The following CNGB3 variants were observed in gnomAD, a reference collection of about 807,000 sequenced individuals.
CNGB3 encodes cyclic nucleotide-gated channel beta-3.
A neutral mutation model predicts 92.8 loss-of-function variants in CNGB3; 86 were observed. That is an observed-to-expected ratio of 0.93 (90% CI 0.78 to 1.11). The LOEUF (loss-of-function observed/expected upper bound fraction) is 1.11. Ranked by LOEUF, CNGB3 falls within the 50% of genes least tolerant of loss-of-function variation. The pLI is 0.00. For missense variants in CNGB3, 1,026 were observed against 956.8 expected, an observed-to-expected ratio of 1.07 and a Z score of -0.95; for synonymous variants, 333 against 332.7, an observed-to-expected ratio of 1.00 and a Z score of -0.01.
intron 14 of CNGB3, among the ~76,000 whole-genome samples, chr8:86,610,478 C>A (rs1045686820): frequency 6.6e-6 from 1 of 152,080 alleles, no homozygotes; most frequent in Non-Finnish European, 1.5e-5. Context: ...TACTCCAATT[C>A]ATTTTTCAAG....
chr8:86,618,857 G>C (rs1403741009), intron 13 of CNGB3, among the ~76,000 whole-genome samples: 1 of 152,216 alleles, frequency 6.6e-6, no homozygotes. Flanking sequence ...CTGCATGTGA[G>C]TGCTAGAAAG....
chr8:86,666,624 A>G (rs539659353), intron 6 of CNGB3, among the ~76,000 whole-genome samples: 3 of 152,200 alleles, frequency 2.0e-5, no homozygotes, highest in African/African-American at 7.2e-5. Context: ...ACCAGACACA[A>G]TCTAGGCACT....
rs555317364 is a variant in CNGB3, at chr8:86,673,487, G to A, written c.339-2389C>T. Among the ~76,000 whole-genome samples the A allele has an allele frequency of 7.9e-5, 12 of 152,240 alleles. No individual in the cohort carries two copies. The South Asian group carries it at 2.5e-3, about 32-fold the overall frequency. On this transcript the variant is annotated intron_variant, in intron 3 of 17. Transcript: ENST00000320005. Reference sequence around the variant, plus strand: ...GTGGTTGGGTATGGAAAGGAAAGGTGAGTGAAGTCAGGTTATGATGGTCCC... The same window carrying A: ...GTGGTTGGGTATGGAAAGGAAAGGTAAGTGAAGTCAGGTTATGATGGTCCC...
At chr8:86,633,014 T>G in intron 10 of CNGB3, 121 bp from the exon 11 acceptor site, 2 of 893,652 alleles carry the variant, frequency 2.2e-6, no homozygotes, top group Non-Finnish European at 3.5e-6. Context: ...ATTTTCTTTC[T>G]CTAGACAGCA....
At chr8:86,579,851 A>G (rs1029511833) in intron 15 of CNGB3, among the ~76,000 whole-genome samples, 1 of 152,176 alleles carries the variant, frequency 6.6e-6, no homozygotes, top group African/African-American at 2.4e-5. Flanking sequence ...GTTCTGGTAA[A>G]CATACCCTCT....
At chr8:86,698,141 C>T (rs568082533) in intron 3 of CNGB3, among the ~76,000 whole-genome samples, 13 of 152,172 alleles carry the variant, frequency 8.5e-5, no homozygotes, top group East Asian at 5.8e-4. Flanking sequence ...GCTGTGTGAC[C>T]GATAGTTTCC....
intron 14 of CNGB3, among the ~76,000 whole-genome samples, chr8:86,606,802 T>C (rs890594360): frequency 6.6e-5 from 10 of 152,162 alleles, no homozygotes; most frequent in African/African-American, 2.2e-4. Flanking sequence ...AGCAAACTTA[T>C]AAGGCTCGCA....
intron 15 of CNGB3, among the ~76,000 whole-genome samples, chr8:86,596,268 A>G (rs1337303026): frequency 1.3e-5 from 2 of 152,190 alleles, no homozygotes; most frequent in African/African-American, 4.8e-5. Context: ...AAAAATAGCT[A>G]TACATTGTGA....
chr8:86,705,341 C>T (rs1824632918), intron 3 of CNGB3, among the ~76,000 whole-genome samples: 2 of 152,072 alleles, frequency 1.3e-5, no homozygotes, highest in South Asian at 4.1e-4. Context: ...TATTTAAATT[C>T]TCCAGAGCAA....
Position 86,650,856 on chromosome 8 carries a change from C to G in CNGB3, c.904-2969G>C, listed in dbSNP as rs763997654. Among the ~76,000 whole-genome samples the G allele has an allele frequency of 2.6e-5, 4 of 151,048 alleles. No individual in the cohort carries two copies. In the East Asian group the frequency reaches 7.8e-4, roughly 30 times the overall value. Reference sequence around the variant, plus strand: ...GAAGTCATTATATGAAAAAGACACACGCACATATAGGTTTATTTCAGCCCA... The same window carrying G: ...GAAGTCATTATATGAAAAAGACACAGGCACATATAGGTTTATTTCAGCCCA... On this transcript the variant is annotated intron_variant, in intron 7 of 17. Coordinates refer to ENST00000320005, the MANE Select transcript of CNGB3 (RefSeq NM_019098.5).
At chr8:86,645,395 A>G (rs547004846) in intron 8 of CNGB3, among the ~76,000 whole-genome samples, 134 of 151,320 alleles carry the variant, frequency 8.9e-4, no homozygotes, top group African/African-American at 3.1e-3. Flanking sequence ...TGCCAGTTCT[A>G]TCTCTACCAC....
chr8:86,695,542 C>T (rs1648060813), intron 3 of CNGB3, among the ~76,000 whole-genome samples: 1 of 151,892 alleles, frequency 6.6e-6, no homozygotes, highest in African/African-American at 2.4e-5. Flanking sequence ...ATCTATCTTT[C>T]TATGGAATTT....
chr8:86,631,009 A>G (rs1822951059), intron 11 of CNGB3, among the ~76,000 whole-genome samples: 1 of 152,228 alleles, frequency 6.6e-6, no homozygotes, highest in South Asian at 2.1e-4. Flanking sequence ...TCTTTTATTC[A>G]CTATGAGAGT....
chr8:86,733,238 C>T (rs1825190043), intron 2 of CNGB3, among the ~76,000 whole-genome samples: 1 of 152,118 alleles, frequency 6.6e-6, no homozygotes, highest in Non-Finnish European at 1.5e-5. Context: ...ATAATGGCCT[C>T]CATCTTCATC....
intron 15 of CNGB3, among the ~76,000 whole-genome samples, chr8:86,603,433 T>G (rs1482845459): frequency 6.6e-6 from 1 of 152,208 alleles, no homozygotes; most frequent in Non-Finnish European, 1.5e-5. Flanking sequence ...GCTGTCTATA[T>G]TTTTCCTCTT....
chr8:86,694,346 G>A (rs1218428221), intron 3 of CNGB3, among the ~76,000 whole-genome samples: 15 of 149,086 alleles, frequency 1.0e-4, no homozygotes, highest in African/African-American at 3.2e-4. Context: ...CTGGCCGGGC[G>A]GGGGGCTGAC....
intron 10 of CNGB3, among the ~76,000 whole-genome samples, chr8:86,642,027 C>A (rs13253975): frequency 5.3e-5 from 8 of 151,552 alleles, no homozygotes; most frequent in Non-Finnish European, 1.0e-4. Flanking sequence ...CCATTCCTTT[C>A]GTTTTTCCTT....
intron 10 of CNGB3, among the ~76,000 whole-genome samples, chr8:86,640,155 C>A (rs1004228664): frequency 6.6e-6 from 1 of 152,014 alleles, no homozygotes; most frequent in African/African-American, 2.4e-5. Context: ...GTGTCTCACA[C>A]TTTGATGATA....
At chr8:86,629,228 C>T (rs1189619270) in intron 11 of CNGB3, 150 bp from the exon 12 acceptor site, 9 of 1,007,706 alleles carry the variant, frequency 8.9e-6, no homozygotes, top group South Asian at 1.4e-5. Context: ...TTTATTCTTG[C>T]CCAGACAACT....
Sources: allele counts gnomAD v4.1 joint callset (sites outside exome capture counted in the v4.1 genomes callset), GRCh38; gene constraint gnomAD v4.1.1; transcripts MANE v1.5; gene names NCBI Gene and HGNC (gene_info 2026-07-23, HGNC 2026-07-21).